ADGRD1: variants seen among roughly 807,000 people sequenced by gnomAD.
The protein encoded by ADGRD1 is G-protein coupled receptor 133.
Under a neutral mutation model 113.4 loss-of-function variants are expected in ADGRD1, and 77 were observed. That is an observed-to-expected ratio of 0.68 (90% CI 0.57 to 0.82). The LOEUF (loss-of-function observed/expected upper bound fraction) is 0.82. Ranked by LOEUF, ADGRD1 falls within the 40% of genes least tolerant of loss-of-function variation. ADGRD1 has a pLI of 0.00. For synonymous variants in ADGRD1, 474 were observed against 475.0 expected, an observed-to-expected ratio of 1.00 and a Z score of 0.03; for missense variants, 1,036 against 1,139.1, an observed-to-expected ratio of 0.91 and a Z score of 1.30.
intron 8 of ADGRD1, among the ~76,000 whole-genome samples, chr12:130,996,857 G>A (rs1476559550): frequency 3.3e-5 from 4 of 122,944 alleles, no homozygotes; most frequent in Admixed American, 7.5e-5. Flanking sequence ...CTCCCTCCCG[G>A]ACGGGGTGGC....
intron 13 of ADGRD1, among the ~76,000 whole-genome samples, chr12:131,074,601 C>T (rs1046628210): frequency 3.3e-5 from 5 of 152,344 alleles, no homozygotes; most frequent in Admixed American, 6.5e-5. Context: ...CTGGCACCAC[C>T]ACACTCCCAT....
intron 12 of ADGRD1, among the ~76,000 whole-genome samples, chr12:131,007,283 A>T (rs1877246182): frequency 1.3e-5 from 2 of 152,226 alleles, no homozygotes; most frequent in Admixed American, 1.3e-4. Flanking sequence ...GGCTTTCCAG[A>T]ACTCTGCCCT....
chr12:131,104,208 G>A (rs1054050395), intron 15 of ADGRD1, among the ~76,000 whole-genome samples: 1 of 152,066 alleles, frequency 6.6e-6, no homozygotes, highest in African/African-American at 2.4e-5. Flanking sequence ...GCCATTGTGC[G>A]GGGACTGGGA....
chr12:131,136,946 C>T, intron 22 of ADGRD1, 27 bp from the exon 23 acceptor site: 4 of 1,589,792 alleles, frequency 2.5e-6, no homozygotes, highest in Non-Finnish European at 3.5e-6. Context: ...GGGCTCTAAT[C>T]TCTGCGTTTC....
intron 16 of ADGRD1, among the ~76,000 whole-genome samples, chr12:131,105,198 C>T (rs565342820): frequency 2.0e-5 from 3 of 152,354 alleles, no homozygotes; most frequent in South Asian, 4.1e-4. Context: ...TCAGCACAGG[C>T]GTGTGGTCGG....
chr12:130,980,741 G>A (rs2136589003), intron 4 of ADGRD1: 1 of 152,278 alleles, frequency 6.6e-6, no homozygotes, highest in Non-Finnish European at 1.5e-5. Flanking sequence ...TCCCACATGA[G>A]GATCATAAAA....
At chr12:131,083,548 A>G (rs1180426477) in intron 14 of ADGRD1, among the ~76,000 whole-genome samples, 1 of 152,246 alleles carries the variant, frequency 6.6e-6, no homozygotes, top group Admixed American at 6.5e-5. Flanking sequence ...TCAAGACTGC[A>G]GTGAGCTATG....
intron 15 of ADGRD1, among the ~76,000 whole-genome samples, chr12:131,094,949 G>A (rs1309094716): frequency 1.4e-5 from 2 of 147,626 alleles, no homozygotes; most frequent in African/African-American, 5.1e-5. Flanking sequence ...ACCCCCTCCC[G>A]TCTCCTGCCC....
intron 15 of ADGRD1, among the ~76,000 whole-genome samples, chr12:131,093,987 CAGCACCCAGCCCTG>C (rs1446575313): frequency 3.1e-4 from 47 of 150,874 alleles, no homozygotes; most frequent in Admixed American, 4.6e-4. Context: ...CACCCAGCCT[CAGCACCCAGCCCTG>C]AGCACCCAGC....
Position 131,046,336 on chromosome 12 carries a change from G to T in ADGRD1, c.1474-30465G>T, listed in dbSNP as rs1882759096. ...CTGGTCAGTGTCCTCCCTGGTCAGTGCTCCCTCCCTGGTCAGTGTCCTCCC... is the reference window on the plus strand; with the variant it reads ...CTGGTCAGTGTCCTCCCTGGTCAGTTCTCCCTCCCTGGTCAGTGTCCTCCC... On this transcript the variant is annotated intron_variant, in intron 13 of 24. Coordinates refer to ENST00000261654, the MANE Select transcript of ADGRD1 (RefSeq NM_198827.5). Among the ~76,000 whole-genome samples the T allele has an allele frequency of 2.4e-5, 3 of 125,480 alleles. No individual in the cohort carries two copies. In the East Asian group the frequency reaches 6.6e-4, roughly 28 times the overall value. The allele number at this position is 125,480 out of a possible 152,430, so 82.3% of individuals were successfully genotyped here.
intron 13 of ADGRD1, among the ~76,000 whole-genome samples, chr12:131,056,271 G>A (rs1484043778): frequency 6.6e-6 from 1 of 152,230 alleles, no homozygotes; most frequent in East Asian, 1.9e-4. Context: ...TACAATCCAG[G>A]AGGAAAGTTT....
chr12:131,103,436 C>G (rs757029859), intron 15 of ADGRD1, among the ~76,000 whole-genome samples: 19 of 152,252 alleles, frequency 1.2e-4, no homozygotes, highest in Non-Finnish European at 2.5e-4. Context: ...CCCCACGCAC[C>G]CAGGAATCTA....
intron 13 of ADGRD1, among the ~76,000 whole-genome samples, chr12:131,058,048 G>A (rs913181574): frequency 6.6e-6 from 1 of 152,216 alleles, no homozygotes; most frequent in African/African-American, 2.4e-5. Flanking sequence ...CAACTTCCTA[G>A]ATCCAGAAGT....
At chr12:131,104,736 G>A in intron 15 of ADGRD1, 95 bp from the exon 16 acceptor site, 1 of 741,260 alleles carries the variant, frequency 1.3e-6, no homozygotes, top group Non-Finnish European at 2.2e-6. Context: ...ACACTCACAG[G>A]GGACCAGCTG....
chr12:130,966,535 A>C lies in ADGRD1; in HGVS notation c.176A>C (p.Asp59Ala), dbSNP rs781268321. 2 of 1,606,268 alleles carry C rather than the reference A, an allele frequency of 1.2e-6. No individual in the cohort carries two copies. The highest frequency in any genetic ancestry group is 8.5e-7 in the Non-Finnish European group (1 of 1,172,916). Residue 59 changes from aspartate to alanine, a missense_variant, in exon 3 of 25, where the codon GAT (aspartate) becomes GCT (alanine). Coordinates refer to ENST00000261654, the MANE Select transcript of ADGRD1 (RefSeq NM_198827.5). This position sits in a 1 kb window ranked among gnomAD's most constrained non-coding sequence, Gnocchi z 4.6. Reference sequence around the variant, plus strand: ...GTGGATGGGATCCATGAACTTCAGGATACAACTGGAGGTAGAGACGCGGGT... The same window carrying C: ...GTGGATGGGATCCATGAACTTCAGGCTACAACTGGAGGTAGAGACGCGGGT... ...ENVDGIHELQ[D>A]TTGDIVEGKV... is the part of the protein sequence containing the mutation.
chr12:131,042,930 C>T (rs999465538), intron 13 of ADGRD1, among the ~76,000 whole-genome samples: 5 of 152,374 alleles, frequency 3.3e-5, no homozygotes, highest in South Asian at 4.1e-4. Flanking sequence ...TGGTAACTGT[C>T]GGATTGTCCG....
At chr12:131,015,275 A>G (rs77178769) in intron 13 of ADGRD1, among the ~76,000 whole-genome samples, 7,042 of 152,316 alleles carry the variant, frequency 0.046, 399 homozygotes, top group African/African-American at 0.14. Context: ...AAGAGATGGT[A>G]CTGGAGACGG....
Position 130,971,398 on chromosome 12 carries a change from C to G in ADGRD1, c.188-60C>G, listed in dbSNP as rs1871632092. The G allele has an allele frequency of 5.4e-6, 8 of 1,476,886 alleles. No homozygotes were observed. In the African/African-American group the frequency reaches 8.3e-5, roughly 15 times the overall value. The allele number at this position is 1,476,886 out of a possible 1,614,324, so 91.5% of individuals were successfully genotyped here. ...AGTTATTTGTAGGTCTGACACACAT[C>G]TTCAGACTTTTAATCTCGGAAGGTT... On this transcript the variant is annotated intron_variant, in intron 3 of 24. Coordinates refer to ENST00000261654, the MANE Select transcript of ADGRD1 (RefSeq NM_198827.5). This position sits in a 1 kb window ranked among gnomAD's most constrained non-coding sequence, Gnocchi z 4.2.
At chr12:131,080,885 G>T (rs1263404856) in intron 14 of ADGRD1, among the ~76,000 whole-genome samples, 1 of 152,186 alleles carries the variant, frequency 6.6e-6, no homozygotes, top group Admixed American at 6.5e-5. Context: ...CTCCCAAAGT[G>T]CTGGGATTAC....
Sources: allele counts gnomAD v4.1 joint callset (sites outside exome capture counted in the v4.1 genomes callset), GRCh38; gene constraint gnomAD v4.1.1; non-coding constraint Gnocchi (gnomAD v3.1); transcripts MANE v1.5; gene names NCBI Gene and HGNC (gene_info 2026-07-23, HGNC 2026-07-21).